The following VRK2 variants were observed in gnomAD, a reference collection of about 807,000 sequenced individuals.
VRK2 encodes serine/threonine-protein kinase VRK2.
A neutral mutation model predicts 57.6 loss-of-function variants in VRK2; 60 were observed. That is an observed-to-expected ratio of 1.04 (90% CI 0.85 to 1.29). The LOEUF (loss-of-function observed/expected upper bound fraction) is 1.29. VRK2 is among the 50% of genes most tolerant of loss of function. The pLI is 0.00. For missense variants in VRK2, 705 were observed against 588.1 expected, an observed-to-expected ratio of 1.20 and a Z score of -2.06; for synonymous variants, 231 against 199.2, an observed-to-expected ratio of 1.16 and a Z score of -1.35.
intron 3 of VRK2, among the ~76,000 whole-genome samples, chr2:58,034,625 G>C (rs1441523809): frequency 1.3e-5 from 2 of 151,928 alleles, no homozygotes; most frequent in Non-Finnish European, 2.9e-5. Flanking sequence ...GAATGAATCT[G>C]AATTGCTGTT....
intron 7 of VRK2, among the ~76,000 whole-genome samples, chr2:58,115,182 A>C (rs1395594165): frequency 6.6e-6 from 1 of 152,104 alleles, no homozygotes; most frequent in African/African-American, 2.4e-5. Context: ...CAATAAACCA[A>C]GTGTGTTCAG....
At chr2:58,057,482 G>A (rs1466605376) in intron 2 of VRK2, among the ~76,000 whole-genome samples, 1 of 144,106 alleles carries the variant, frequency 6.9e-6, no homozygotes, top group African/African-American at 2.5e-5. Flanking sequence ...AATGGACATT[G>A]TGTTAAGACA....
chr2:58,030,480 G>T (rs1433361568), intron 2 of VRK2, among the ~76,000 whole-genome samples: 1 of 151,798 alleles, frequency 6.6e-6, no homozygotes, highest in Non-Finnish European at 1.5e-5. Flanking sequence ...ACTCTACCTC[G>T]TTTCCTCTCA....
intron 1 of VRK2, among the ~76,000 whole-genome samples, chr2:58,022,105 A>G (rs950977020): frequency 6.6e-6 from 1 of 152,190 alleles, no homozygotes; most frequent in Non-Finnish European, 1.5e-5. Context: ...GGTCATTTTG[A>G]TAATATCCTG....
chr2:57,944,466 G>A (rs533938541), intron 1 of VRK2, among the ~76,000 whole-genome samples: 1 of 152,358 alleles, frequency 6.6e-6, no homozygotes, highest in Non-Finnish European at 1.5e-5. Flanking sequence ...GCCGGGCGCG[G>A]TGGCTCACGC....
intron 1 of VRK2, among the ~76,000 whole-genome samples, chr2:57,981,715 T>C (rs1672429001): frequency 6.6e-6 from 1 of 152,252 alleles, no homozygotes. Flanking sequence ...CCCATATTTC[T>C]TGGAGATTTT....
intron 12 of VRK2, among the ~76,000 whole-genome samples, chr2:58,158,546 A>C (rs1684384349): frequency 6.6e-6 from 1 of 152,084 alleles, no homozygotes. Flanking sequence ...AACAAGCTTA[A>C]AGTATTTTGC....
chr2:58,022,446 T>C (rs1673786901), intron 1 of VRK2, among the ~76,000 whole-genome samples: 1 of 152,190 alleles, frequency 6.6e-6, no homozygotes, highest in South Asian at 2.1e-4. Flanking sequence ...AATGTAAATT[T>C]TGTATAGTGT....
At chr2:58,087,327 A>G (rs183026919) in intron 5 of VRK2, among the ~76,000 whole-genome samples, 2 of 152,324 alleles carry the variant, frequency 1.3e-5, no homozygotes, top group Non-Finnish European at 1.5e-5. Flanking sequence ...AAGGACTGCC[A>G]CTGGGGGACT....
chr2:58,086,218 A>T (rs1015333776), intron 4 of VRK2, 121 bp from the exon 5 acceptor site: 6 of 818,734 alleles, frequency 7.3e-6, no homozygotes, highest in Non-Finnish European at 9.6e-6. Context: ...ATTGAAAAAA[A>T]ATTATCTTCT....
chr2:57,968,454 T>C (rs1671988352), intron 1 of VRK2, among the ~76,000 whole-genome samples: 1 of 152,092 alleles, frequency 6.6e-6, no homozygotes, highest in Non-Finnish European at 1.5e-5. Flanking sequence ...CTTGATTCTT[T>C]AGTGTAAGGC....
At chr2:58,072,952 T>C (rs1301926007) in intron 2 of VRK2, among the ~76,000 whole-genome samples, 1 of 152,060 alleles carries the variant, frequency 6.6e-6, no homozygotes, top group Non-Finnish European at 1.5e-5. Context: ...ATCAGATATA[T>C]GTATTCAATG....
intron 1 of VRK2, among the ~76,000 whole-genome samples, chr2:58,011,629 T>C (rs1673421251): frequency 6.6e-6 from 1 of 152,216 alleles, no homozygotes; most frequent in South Asian, 2.1e-4. Flanking sequence ...TGGTAAGAGA[T>C]ATATTCATGG....
chr2:57,990,163 C>T (rs145844881), intron 1 of VRK2, among the ~76,000 whole-genome samples: 2 of 152,306 alleles, frequency 1.3e-5, no homozygotes, highest in East Asian at 3.9e-4. Context: ...CAGAGCATAA[C>T]ACAAATGGCC....
At chr2:58,141,960 T>G (rs961433454) in intron 11 of VRK2, among the ~76,000 whole-genome samples, 9 of 151,974 alleles carry the variant, frequency 5.9e-5, no homozygotes, top group African/African-American at 1.7e-4. Context: ...TAAAATCGTT[T>G]CTTGTTACTT....
chr2:58,003,923 T>C (rs1337225333), intron 1 of VRK2, among the ~76,000 whole-genome samples: 1 of 152,176 alleles, frequency 6.6e-6, no homozygotes, highest in Non-Finnish European at 1.5e-5. Flanking sequence ...GGCCTTCCTA[T>C]AGATTGAATT....
intron 1 of VRK2, among the ~76,000 whole-genome samples, chr2:57,922,878 C>G (rs1670399707): frequency 6.6e-6 from 1 of 152,010 alleles, no homozygotes; most frequent in Non-Finnish European, 1.5e-5. Flanking sequence ...TCCCACTCCT[C>G]TTCCCAGCTT....
At chr2:58,111,223 A>G (rs936103278) in intron 7 of VRK2, among the ~76,000 whole-genome samples, 7 of 152,112 alleles carry the variant, frequency 4.6e-5, no homozygotes, top group African/African-American at 1.7e-4. Flanking sequence ...TTGGGAATAT[A>G]TTTTTCATCT....
chr2:58,120,996 A>G (rs1362047926), intron 7 of VRK2, among the ~76,000 whole-genome samples: 1 of 152,206 alleles, frequency 6.6e-6, no homozygotes, highest in Non-Finnish European at 1.5e-5. Flanking sequence ...AGTCTCGAAT[A>G]AAGTCTTATG....
Sources: gnomAD v4.1 joint callset for allele counts (sites outside exome capture counted in the v4.1 genomes callset) on GRCh38, gnomAD v4.1.1 for gene constraint, MANE v1.5 for transcripts, NCBI Gene and HGNC (gene_info 2026-07-23, HGNC 2026-07-21) for gene names.